Variants in RALGAPA1 observed in about 807,000 individuals in gnomAD.
The protein encoded by RALGAPA1 is ral GTPase-activating protein subunit alpha-1.
In RALGAPA1, 52 loss-of-function variants were observed where a neutral mutation model predicts 269.6. The observed-to-expected ratio is 0.19, with a 90% CI of 0.15 to 0.24. RALGAPA1 has a LOEUF of 0.24. Among genes scored for constraint, RALGAPA1 ranks in the 10% least tolerant of loss-of-function variants. The pLI is 1.00. For synonymous variants in RALGAPA1, 817 were observed against 1,008.3 expected, an observed-to-expected ratio of 0.81 and a Z score of 3.60; for missense variants, 1,917 against 3,013.9, an observed-to-expected ratio of 0.64 and a Z score of 8.52.
intron 29 of RALGAPA1, 84 bp from the exon 30 acceptor site, chr14:35,654,561 A>G: frequency 1.4e-6 from 2 of 1,430,620 alleles, no homozygotes; most frequent in Non-Finnish European, 1.9e-6. Context: ...TTTACATTTC[A>G]TACATTTGTA....
chr14:35,764,429 T>C (rs1376168333), intron 4 of RALGAPA1, among the ~76,000 whole-genome samples: 2 of 152,180 alleles, frequency 1.3e-5, no homozygotes, highest in Non-Finnish European at 2.9e-5. Flanking sequence ...TCTGTATTAC[T>C]AATTCTGTGT....
At chr14:35,744,881 A>T (rs553449205) in intron 10 of RALGAPA1, among the ~76,000 whole-genome samples, 5 of 152,338 alleles carry the variant, frequency 3.3e-5, no homozygotes, top group African/African-American at 1.2e-4. Flanking sequence ...AAATTCTAAG[A>T]TACAGAAAAA....
Position 35,565,276 on chromosome 14 carries a change from A to G in RALGAPA1, c.7496+5341T>C, listed in dbSNP as rs547479028. ...TATGTAAACTTGGCTGGGTCATGGG[A>G]CCCAGTTTTTGGTCAAACATCAGTC... On this transcript the variant is annotated intron_variant, in intron 39 of 41. Coordinates refer to ENST00000680220, the MANE Select transcript of RALGAPA1 (RefSeq NM_001346249.2). Among the ~76,000 whole-genome samples the G allele has an allele frequency of 8.0e-5, 12 of 150,584 alleles. No homozygotes were observed. In the East Asian group the frequency reaches 2.1e-3, roughly 27 times the overall value.
intron 37 of RALGAPA1, among the ~76,000 whole-genome samples, chr14:35,577,033 A>G (rs2057609890): frequency 6.6e-6 from 1 of 152,232 alleles, no homozygotes; most frequent in South Asian, 2.1e-4. Context: ...TAATCCTATT[A>G]AAACAAATTA....
intron 18 of RALGAPA1, among the ~76,000 whole-genome samples, chr14:35,687,023 C>T (rs2065998195): frequency 6.6e-6 from 1 of 152,012 alleles, no homozygotes; most frequent in Admixed American, 6.6e-5. Context: ...TCCGTATTTC[C>T]CCCAAAGAAC....
intron 1 of RALGAPA1, among the ~76,000 whole-genome samples, chr14:35,790,240 G>A (rs559776434): frequency 9.2e-5 from 14 of 152,052 alleles, no homozygotes; most frequent in African/African-American, 3.4e-4. Flanking sequence ...ACGACAGAGT[G>A]AGACTCGTCT....
chr14:35,671,798 A>G lies in RALGAPA1; in HGVS notation c.5074-281T>C, dbSNP rs144860870. Among the ~76,000 whole-genome samples the G allele has an allele frequency of 1.1e-4, 17 of 152,340 alleles. 1 individual carries two copies. The highest frequency in any genetic ancestry group is 3.6e-4 in the African/African-American group (15 of 41,586). On this transcript the variant is annotated intron_variant, in intron 25 of 41. Transcript: ENST00000680220. ...GGAAGGCTCTTTGCTTCACAAGGTT[A>G]AAAGTACAAGGCCCACACAATGTAA... is the stretch of plus-strand genomic sequence containing the variant.
rs199576739 is a variant in RALGAPA1 at position 35,742,590 on chromosome 14, A to T, written c.1252-25T>A. 6 of 1,517,796 alleles carry T rather than the reference A, an allele frequency of 4.0e-6. No homozygotes were observed. The East Asian group carries it at 9.0e-5, about 23-fold the overall frequency. 94.0% of individuals were successfully genotyped at this position (1,517,796 alleles called of 1,614,324 possible). A position where few individuals can be genotyped will look rare whatever the true frequency, so the allele number is the denominator to read the frequency against. On this transcript the variant is annotated intron_variant, in intron 10 of 41. Coordinates refer to ENST00000680220, the MANE Select transcript of RALGAPA1 (RefSeq NM_001346249.2). ...CCTAGGGAAAAAAAGGAGAATCAAG[A>T]TAATGATACTTTTTCCTTTGCCACA...
intron 39 of RALGAPA1, among the ~76,000 whole-genome samples, chr14:35,554,150 T>A (rs2055303459): frequency 6.6e-6 from 1 of 152,044 alleles, no homozygotes; most frequent in Non-Finnish European, 1.5e-5. Flanking sequence ...GAAATCTGAG[T>A]ACTACTTAAG....
intron 37 of RALGAPA1, among the ~76,000 whole-genome samples, chr14:35,578,629 T>C (rs771306565): frequency 3.3e-4 from 50 of 152,224 alleles, no homozygotes; most frequent in Non-Finnish European, 2.4e-4. Flanking sequence ...GGGCATTCAA[T>C]AAATACTGGT....
At chr14:35,591,538 T>A (rs1431689053) in intron 37 of RALGAPA1, among the ~76,000 whole-genome samples, 1 of 152,052 alleles carries the variant, frequency 6.6e-6, no homozygotes, top group Admixed American at 6.6e-5. Context: ...TCTCAAACTC[T>A]TGGGCTGAAG....
intron 26 of RALGAPA1, 58 bp downstream of exon 26, chr14:35,671,331 T>G: frequency 7.0e-7 from 1 of 1,421,336 alleles, no homozygotes; most frequent in South Asian, 1.6e-5. Flanking sequence ...TTTATCAACT[T>G]TGTTAGTTGA....
intron 17 of RALGAPA1, among the ~76,000 whole-genome samples, chr14:35,692,493 GT>G (rs77803792): frequency 3.7e-4 from 50 of 135,730 alleles, no homozygotes; most frequent in South Asian, 9.3e-4. Context: ...TTCAGCCTAT[GT>G]TTTTTTTTTT....
intron 26 of RALGAPA1, among the ~76,000 whole-genome samples, chr14:35,665,290 T>C (rs2063838323): frequency 1.3e-5 from 2 of 152,248 alleles, no homozygotes; most frequent in Non-Finnish European, 2.9e-5. Context: ...TTGTCTGGAC[T>C]GCCAATGAAG....
In RALGAPA1 at chr14:35,738,567, G is replaced by C. The variant is rs182235747; in HGVS notation, c.1533C>G (p.Ala511=). 1 of 1,613,444 alleles carries C rather than the reference G, an allele frequency of 6.2e-7. No homozygotes were observed. The highest frequency in any genetic ancestry group is 1.3e-5 in the African/African-American group (1 of 75,006). ...TGTTTTGTTCTGTGGCTTCTTCAGA[G>C]GCGTTATGAAGAGCACCTTGGTAGG... is the stretch of plus-strand genomic sequence containing the variant. ...NGSYQGALHN[A]SEEATEQNIR... is the part of the protein sequence containing the mutation. The change falls in exon 12 of 42, where the codon GCC becomes GCG. Residue 511 remains alanine (A), a synonymous_variant. Transcript: ENST00000680220.
chr14:35,715,687 T>A, intron 16 of RALGAPA1: 2 of 979,602 alleles, frequency 2.0e-6, no homozygotes, highest in Non-Finnish European at 2.4e-6. Flanking sequence ...CTTGTACAAC[T>A]GTCAGGAAGC....
chr14:35,794,470 G>C (rs2076413571), intron 1 of RALGAPA1, among the ~76,000 whole-genome samples: 1 of 151,428 alleles, frequency 6.6e-6, no homozygotes, highest in African/African-American at 2.4e-5. Context: ...TTGTTTTTTT[G>C]TTTTGAGATG....
chr14:35,568,508 C>T (rs2056895709), intron 39 of RALGAPA1, among the ~76,000 whole-genome samples: 1 of 152,058 alleles, frequency 6.6e-6, no homozygotes, highest in African/African-American at 2.4e-5. Flanking sequence ...GAAAAAGATA[C>T]TGTATCTAGG....
chr14:35,801,244 GACACACACACACACACACACACACAC>G (rs201700521), intron 1 of RALGAPA1, among the ~76,000 whole-genome samples: 2 of 135,016 alleles, frequency 1.5e-5, no homozygotes, highest in Non-Finnish European at 3.3e-5. Context: ...TATATACACA[GACACACACACACACACACACACACAC>G]ACACACACAC....
Sources: gnomAD v4.1 joint callset for allele counts (sites outside exome capture counted in the v4.1 genomes callset) on GRCh38, gnomAD v4.1.1 for gene constraint, MANE v1.5 for transcripts, NCBI Gene and HGNC (gene_info 2026-07-23, HGNC 2026-07-21) for gene names.